HUNK: variants seen among roughly 807,000 people sequenced by gnomAD.
HUNK encodes the protein hormonally up-regulated Neu-associated kinase.
In HUNK, 21 loss-of-function variants were observed where a neutral mutation model predicts 61.0. The observed-to-expected ratio is 0.34, with a 90% CI of 0.24 to 0.50. The LOEUF is 0.50. Ranked by LOEUF, HUNK falls within the 20% of genes least tolerant of loss-of-function variation. HUNK has a pLI of 0.98. For synonymous variants in HUNK, 371 were observed against 386.1 expected (o/e 0.96, Z 0.46); for missense variants, 772 against 945.7 (o/e 0.82, Z 2.41).
At chr21:31,957,103 C>T (rs1459219344) in intron 4 of HUNK, among the ~76,000 whole-genome samples, 1 of 152,188 alleles carries the variant, frequency 6.6e-6, no homozygotes, top group African/African-American at 2.4e-5. Context: ...TCATTGCACT[C>T]CTCTTGTGGT....
chr21:31,934,612 C>A (rs2052720098), intron 2 of HUNK, among the ~76,000 whole-genome samples: 1 of 152,094 alleles, frequency 6.6e-6, no homozygotes, highest in African/African-American at 2.4e-5. Flanking sequence ...CACCCAGGTA[C>A]TGTGCATAGT....
At chr21:31,981,330 G>A (rs1167681873) in intron 7 of HUNK, among the ~76,000 whole-genome samples, 1 of 150,236 alleles carries the variant, frequency 6.7e-6, no homozygotes, top group Non-Finnish European at 1.5e-5. Context: ...AATGACTTTG[G>A]CTATTCAGGG....
intron 9 of HUNK, among the ~76,000 whole-genome samples, chr21:31,995,314 A>G (rs1358260554): frequency 6.6e-6 from 1 of 152,146 alleles, no homozygotes; most frequent in Non-Finnish European, 1.5e-5. Context: ...TTGTGTTGGC[A>G]CCTCCTTGGC....
intron 1 of HUNK, among the ~76,000 whole-genome samples, chr21:31,910,977 T>C (rs1267396444): frequency 6.6e-6 from 1 of 152,198 alleles, no homozygotes; most frequent in Non-Finnish European, 1.5e-5. Context: ...ATTGGAACTT[T>C]GTGAATTATT....
chr21:31,961,953 A>G (rs1749593328), intron 5 of HUNK, among the ~76,000 whole-genome samples: 2 of 152,208 alleles, frequency 1.3e-5, no homozygotes, highest in Admixed American at 6.5e-5. Context: ...CAGGACCACA[A>G]AGGTTTATTT....
At chr21:31,912,585 A>AGATAG (rs2052554274) in intron 1 of HUNK, among the ~76,000 whole-genome samples, 1 of 152,094 alleles carries the variant, frequency 6.6e-6, no homozygotes, top group Non-Finnish European at 1.5e-5. Context: ...TCTGTCTCCC[A>AGATAG]GGCTGGAGTG....
intron 1 of HUNK, among the ~76,000 whole-genome samples, chr21:31,908,209 G>A (rs1200388903): frequency 6.6e-6 from 1 of 150,880 alleles, no homozygotes; most frequent in Non-Finnish European, 1.5e-5. Context: ...TTTGTTCCAA[G>A]AAAAAAAAAG....
intron 9 of HUNK, 27 bp from the exon 10 acceptor site, chr21:31,995,741 G>A: frequency 6.3e-7 from 1 of 1,593,864 alleles, no homozygotes; most frequent in Non-Finnish European, 8.6e-7. Context: ...ATGTGTCTAA[G>A]TGCATATGTT....
chr21:31,971,042 C>T (rs1339182969), intron 6 of HUNK, among the ~76,000 whole-genome samples: 5 of 150,214 alleles, frequency 3.3e-5, no homozygotes, highest in African/African-American at 9.8e-5. Context: ...GGTTTTTAAG[C>T]GTGGAACCAG....
chr21:31,926,582 A>G (rs1453083132), intron 2 of HUNK, among the ~76,000 whole-genome samples: 1 of 152,148 alleles, frequency 6.6e-6, no homozygotes, highest in East Asian at 1.9e-4. Context: ...ATTTCATATA[A>G]ATGGAATTAT....
At chr21:31,967,414 G>A (rs1245915906) in intron 5 of HUNK, among the ~76,000 whole-genome samples, 2 of 152,054 alleles carry the variant, frequency 1.3e-5, no homozygotes, top group Non-Finnish European at 2.9e-5. Flanking sequence ...CATTATAAAC[G>A]CATTTTTACC....
intron 1 of HUNK, among the ~76,000 whole-genome samples, chr21:31,893,509 G>A (rs749852143): frequency 3.3e-5 from 5 of 152,114 alleles, no homozygotes; most frequent in African/African-American, 7.2e-5. Flanking sequence ...TTTCGGGGTG[G>A]TTGGTGTGTC....
intron 1 of HUNK, among the ~76,000 whole-genome samples, chr21:31,919,284 T>C (rs75866406): frequency 0.015 from 2,264 of 152,142 alleles, 54 homozygotes; most frequent in African/African-American, 0.052. Context: ...GCACCATAGA[T>C]CACCTCATTG....
At chr21:31,884,800 G>A (rs1399755897) in intron 1 of HUNK, among the ~76,000 whole-genome samples, 1 of 150,506 alleles carries the variant, frequency 6.6e-6, no homozygotes, top group Admixed American at 6.6e-5. Flanking sequence ...TTTTTTTGAT[G>A]GAGTGTCACT....
intron 6 of HUNK, among the ~76,000 whole-genome samples, chr21:31,969,794 T>G (rs1231594845): frequency 6.6e-6 from 1 of 152,134 alleles, no homozygotes; most frequent in South Asian, 2.1e-4. Context: ...CTCAAACTCC[T>G]GGGCTCAAGT....
At chr21:31,922,380 G>A (rs557497536) in intron 1 of HUNK, among the ~76,000 whole-genome samples, 83 of 149,714 alleles carry the variant, frequency 5.5e-4, no homozygotes, top group Non-Finnish European at 9.0e-4. Flanking sequence ...AGTCTGGAGT[G>A]CAATGGCACA....
intron 7 of HUNK, among the ~76,000 whole-genome samples, chr21:31,979,559 T>C (rs1342041344): frequency 7.8e-6 from 1 of 128,546 alleles, no homozygotes; most frequent in East Asian, 2.7e-4. Context: ...GGAGTCTTGC[T>C]CTGTCACCCA....
At chr21:31,940,957 A>T (rs1423216885) in intron 3 of HUNK, among the ~76,000 whole-genome samples, 3 of 152,206 alleles carry the variant, frequency 2.0e-5, no homozygotes, top group Non-Finnish European at 4.4e-5. Context: ...AAAAGACTTT[A>T]TATGAGGGGA....
intron 9 of HUNK, among the ~76,000 whole-genome samples, chr21:31,993,202 G>T (rs1385051522): frequency 1.3e-5 from 2 of 152,032 alleles, no homozygotes; most frequent in African/African-American, 2.4e-5. Context: ...GGCCAACCTT[G>T]GTCTCTTTGC....
Sources: gnomAD v4.1 joint callset for allele counts (sites outside exome capture counted in the v4.1 genomes callset) on GRCh38, gnomAD v4.1.1 for gene constraint, MANE v1.5 for transcripts, NCBI Gene and HGNC (gene_info 2026-07-23, HGNC 2026-07-21) for gene names.